LARS1: variants seen among roughly 807,000 people sequenced by gnomAD.
LARS1 encodes leucine--tRNA ligase, cytoplasmic.
In LARS1, 100 loss-of-function variants were observed where a neutral mutation model predicts 162.8. That is an observed-to-expected ratio of 0.61 (90% CI 0.52 to 0.73). The LOEUF (loss-of-function observed/expected upper bound fraction) is 0.73. Among genes scored for constraint, LARS1 ranks in the 30% least tolerant of loss-of-function variants. The probability of loss-of-function intolerance (pLI) is 0.00; values close to 1 mark genes in which losing one functional copy is unlikely to be tolerated. For synonymous variants in LARS1, 457 were observed against 462.8 expected (o/e 0.99, Z 0.16); for missense variants, 1,258 against 1,408.9 (o/e 0.89, Z 1.71).
At chr5:146,177,234 A>G (rs1754623700) in intron 2 of LARS1, among the ~76,000 whole-genome samples, 1 of 152,038 alleles carries the variant, frequency 6.6e-6, no homozygotes, top group Non-Finnish European at 1.5e-5. Flanking sequence ...TGGGAGGCCG[A>G]GGCGGGTGGA....
chr5:146,125,125 T>C (rs17492950), intron 28 of LARS1, among the ~76,000 whole-genome samples: 52,722 of 151,854 alleles, frequency 0.35, 9,465 homozygotes, highest in Admixed American at 0.41. Context: ...TTTGCAACCA[T>C]CAATGGAATA....
At chr5:146,152,046 A>G (rs1170272152) in intron 13 of LARS1, 44 bp from the exon 14 acceptor site, 2 of 1,609,374 alleles carry the variant, frequency 1.2e-6, no homozygotes, top group African/African-American at 2.7e-5. Flanking sequence ...CTGACTGGAC[A>G]CACAGCTCTG....
At chr5:146,150,780 A>AT (rs1753243263) in intron 14 of LARS1, among the ~76,000 whole-genome samples, 1 of 150,632 alleles carries the variant, frequency 6.6e-6, no homozygotes, top group African/African-American at 2.5e-5. Context: ...GTCTACTAAA[A>AT]ATACAAAAAT....
At position 146,171,971 on chromosome 5, in the gene LARS1, C is replaced by A; in HGVS notation, c.233G>T (p.Arg78Leu). The change falls in exon 4 of 32, where the codon CGA becomes CTA. Residue 78 changes from arginine (R) to leucine (L), a missense_variant. Coordinates refer to ENST00000394434, the MANE Select transcript of LARS1 (RefSeq NM_020117.11). Reference protein sequence around the residue: ...SKCEFAVGYQRLKGKCCLFPF... With the variant: ...SKCEFAVGYQLLKGKCCLFPF... ...AAACAGACAACATTTTCCTTTCAAT[C>A]GCTGGTACCCTACAGCAAACTACAG... 1.2e-6 allele frequency: 2 copies of A among 1,613,594 alleles called. No homozygotes were observed. Among genetic ancestry groups the A allele is most frequent in the Non-Finnish European group, 1.7e-6 (2 of 1,179,622 alleles).
chr5:146,173,318 A>C (rs1581086975), intron 2 of LARS1, among the ~76,000 whole-genome samples: 1 of 151,580 alleles, frequency 6.6e-6, no homozygotes, highest in Non-Finnish European at 1.5e-5. Flanking sequence ...ATGCCACTGC[A>C]CTCCAGCCTG....
chr5:146,116,344 T>G (rs910168612), intron 31 of LARS1, among the ~76,000 whole-genome samples: 11 of 152,124 alleles, frequency 7.2e-5, no homozygotes, highest in Non-Finnish European at 1.5e-5. Flanking sequence ...CGGATCTGCC[T>G]CTGCCTCTTT....
Position 146,130,116 on chromosome 5 carries a change from G to A in LARS1, c.2530C>T (p.His844Tyr). Reference protein sequence around the residue: ...KYRELAVEGMHRELVFRFIEV... With the variant: ...KYRELAVEGMYRELVFRFIEV... ...ATAAACCGGAACACAAGTTCTCTGT[G>A]CATCCCTTCCACAGCCAATTCACGG... Residue 844 changes from histidine to tyrosine, a missense_variant, in exon 25 of 32, where the codon CAC (histidine) becomes TAC (tyrosine). By Grantham distance (83) the His-to-Tyr change is moderately conservative. Coordinates refer to ENST00000394434, the MANE Select transcript of LARS1 (RefSeq NM_020117.11). 6.2e-7 allele frequency: 1 copy of A among 1,613,782 alleles called. No individual in the cohort carries two copies. The highest frequency in any genetic ancestry group is 8.5e-7 in the Non-Finnish European group (1 of 1,179,766).
chr5:146,150,952 C>CACAT (rs1554129897), intron 14 of LARS1, among the ~76,000 whole-genome samples: 5 of 150,328 alleles, frequency 3.3e-5, no homozygotes, highest in Admixed American at 2.0e-4. Flanking sequence ...GACACACACA[C>CACAT]ACACACACAC....
chr5:146,153,709 A>G (rs537648679), intron 12 of LARS1, 25 bp downstream of exon 12: 7 of 1,590,558 alleles, frequency 4.4e-6, no homozygotes, highest in Middle Eastern at 3.3e-4. Flanking sequence ...AGGACGAAAT[A>G]CAAACATGAA....
At chr5:146,171,758 G>A in intron 4 of LARS1, 152 bp downstream of exon 4, 1 of 559,154 alleles carries the variant, frequency 1.8e-6, no homozygotes, top group Non-Finnish European at 3.2e-6. Context: ...TTCACATGTT[G>A]TTTATTTTTA....
At chr5:146,158,462 T>C (rs1753627035) in intron 8 of LARS1, among the ~76,000 whole-genome samples, 2 of 152,208 alleles carry the variant, frequency 1.3e-5, no homozygotes, top group South Asian at 4.1e-4. Flanking sequence ...GATGCAATCA[T>C]AGGGAATCAT....
chr5:146,171,562 T>C (rs1447426595), intron 4 of LARS1, among the ~76,000 whole-genome samples: 2 of 152,172 alleles, frequency 1.3e-5, no homozygotes, highest in Non-Finnish European at 2.9e-5. Flanking sequence ...CAACTGTTTA[T>C]TATTTTATGC....
Position 146,144,628 on chromosome 5 carries a change from G to A in LARS1, c.1585C>T (p.Gln529Ter). 2.5e-6 allele frequency: 4 copies of A among 1,613,802 alleles called. No homozygotes were observed. The highest frequency in any genetic ancestry group is 3.4e-6 in the Non-Finnish European group (4 of 1,179,902). ...TTCTTGCTATAAGAGACTAACCACT[G>A]GTCACACAGAGCCACAACACATTCA... The part of the protein sequence containing the change: ...SDECVVALCD[Q>*]WYLDYGEENW... The change falls in exon 16 of 32, where the codon CAG becomes TAG. Residue 529 changes from glutamine (Q) to a stop codon, truncating the protein, a stop_gained. Transcript: ENST00000394434. LOFTEE classifies it high-confidence loss of function.
At chr5:146,159,062 G>A (rs1359748262) in intron 8 of LARS1, among the ~76,000 whole-genome samples, 1 of 151,554 alleles carries the variant, frequency 6.6e-6, no homozygotes, top group Non-Finnish European at 1.5e-5. Flanking sequence ...CACCACTGCA[G>A]TCCGGTCTGG....
intron 6 of LARS1, among the ~76,000 whole-genome samples, chr5:146,162,254 G>C (rs569640723): frequency 7.2e-5 from 11 of 152,312 alleles, no homozygotes; most frequent in Non-Finnish European, 1.5e-4. Flanking sequence ...CTTATAAAAT[G>C]TATCTCTTAA....
intron 10 of LARS1, among the ~76,000 whole-genome samples, 185 bp downstream of exon 10, chr5:146,157,218 T>C (rs1250330321): frequency 6.6e-6 from 1 of 152,208 alleles, no homozygotes; most frequent in Non-Finnish European, 1.5e-5. Context: ...TTCTATATCT[T>C]GATTTAGGTG....
At chr5:146,174,505 TATA>T (rs1754437610) in intron 2 of LARS1, among the ~76,000 whole-genome samples, 1 of 17,610 alleles carries the variant, frequency 5.7e-5, no homozygotes, top group Non-Finnish European at 1.2e-4. Flanking sequence ...TATATCCATA[TATA>T]TATATATATA....
intron 1 of LARS1, among the ~76,000 whole-genome samples, chr5:146,180,018 A>C (rs1754763429): frequency 6.6e-6 from 1 of 152,248 alleles, no homozygotes; most frequent in African/African-American, 2.4e-5. Flanking sequence ...AACAGGCAGG[A>C]ACTTTTAAAT....
intron 8 of LARS1, 117 bp downstream of exon 8, chr5:146,159,290 G>T (rs1174984748): frequency 5.8e-6 from 4 of 685,970 alleles, no homozygotes; most frequent in Non-Finnish European, 1.0e-5. Flanking sequence ...ATCCACCAGA[G>T]TATCAGGACT....
Sources: gnomAD v4.1 joint callset for allele counts (sites outside exome capture counted in the v4.1 genomes callset) on GRCh38, gnomAD v4.1.1 for gene constraint, MANE v1.5 for transcripts, NCBI Gene and HGNC (gene_info 2026-07-23, HGNC 2026-07-21) for gene names.